Variants in EGFR observed in about 807,000 individuals in gnomAD.
The protein encoded by EGFR is avian erythroblastic leukemia viral (v-erb-b) oncogene homolog.
A neutral mutation model predicts 143.0 loss-of-function variants in EGFR; 58 were observed. That is an observed-to-expected ratio of 0.41 (90% confidence interval 0.33 to 0.50). The LOEUF (loss-of-function observed/expected upper bound fraction) is 0.50. Among genes scored for constraint, EGFR ranks in the 20% least tolerant of loss-of-function variants. EGFR has a pLI of 0.39. For synonymous variants in EGFR, 613 were observed against 594.4 expected (o/e 1.03, Z -0.45); for missense variants, 1,307 against 1,579.0 (o/e 0.83, Z 2.92).
intron 1 of EGFR, among the ~76,000 whole-genome samples, chr7:55,132,878 G>C (rs1469530454): frequency 1.3e-5 from 2 of 152,164 alleles, no homozygotes; most frequent in African/African-American, 2.4e-5. Flanking sequence ...AGCAACTTTG[G>C]TGCCTGGTGT....
intron 1 of EGFR, among the ~76,000 whole-genome samples, chr7:55,055,767 A>G (rs1381959457): frequency 6.6e-6 from 1 of 151,242 alleles, no homozygotes; most frequent in Admixed American, 6.6e-5. Context: ...GATGCCATCT[A>G]CCCTGGACTT....
In EGFR at chr7:55,210,209, A is replaced by G. The variant is rs1336917445; in HGVS notation, c.*4592A>G. 1.3e-5 allele frequency: 2 copies of G among 152,202 alleles called. No homozygotes were observed. The highest frequency in any genetic ancestry group is 2.9e-5 in the Non-Finnish European group (2 of 68,032). 9.4% of individuals were successfully genotyped at this position (152,202 alleles called of 1,614,324 possible). On this transcript the variant is annotated 3_prime_UTR_variant, in exon 28 of 28. Coordinates refer to ENST00000275493, the MANE Select transcript of EGFR (RefSeq NM_005228.5). ...ATAACATAGCACTTTGTTGGTTTAT[A>G]TATATAATGTGACTTCAATGCAAAT...
rs1055315772 is a variant in EGFR at position 55,205,309 on chromosome 7, G to C, written c.3325G>C (p.Val1109Leu). The C allele has an allele frequency of 1.2e-6, 2 of 1,612,352 alleles. No homozygotes were observed. The highest frequency in any genetic ancestry group is 1.7e-6 in the Non-Finnish European group (2 of 1,179,196). ...KRPAGSVQNP[V>L]YHNQPLNPAP... ...GCCCGCTGGCTCTGTGCAGAATCCT[G>C]TCTATCACAATCAGCCTCTGAACCC... The change falls in exon 28 of 28, where the codon GTC (valine) becomes CTC (leucine). Residue 1109 changes from valine to leucine, a missense_variant. Val to Leu is a conservative substitution (Grantham distance 32). This residue lies in a region of EGFR where 313 missense variants were observed against 312.3 expected (regional missense o/e 1.00). Coordinates refer to ENST00000275493, the MANE Select transcript of EGFR (RefSeq NM_005228.5).
At chr7:55,146,563 A>C (rs772711037) in intron 3 of EGFR, 43 bp from the exon 4 acceptor site, 6 of 1,613,126 alleles carry the variant, frequency 3.7e-6, no homozygotes, top group Admixed American at 1.7e-5. Flanking sequence ...GGGAATTTAA[A>C]GGAGCTGGAA....
rs1250031807 is a variant in EGFR, at chr7:55,202,849, A to G, written c.3271+224A>G. 5.3e-5 allele frequency: 36 copies of G among 677,312 alleles called. No homozygotes were observed. In the East Asian group the frequency reaches 9.7e-4, roughly 18 times the overall value. The allele number at this position is 677,312 out of a possible 1,614,324, so 42.0% of individuals were successfully genotyped here. On this transcript the variant is annotated intron_variant, in intron 27 of 27. Coordinates refer to ENST00000275493, the MANE Select transcript of EGFR (RefSeq NM_005228.5). ...GGTTGTTTGCTGTACCTCTGTTGTA[A>G]GAATGAATCTGCAAAATTTCTAGCT...
intron 1 of EGFR, among the ~76,000 whole-genome samples, chr7:55,091,155 T>C (rs1054136093): frequency 1.3e-5 from 2 of 152,332 alleles, no homozygotes; most frequent in African/African-American, 2.4e-5. Context: ...TTTCTAGTTT[T>C]GTTTTGTATT....
At chr7:55,055,255 C>T (rs774610602) in intron 1 of EGFR, among the ~76,000 whole-genome samples, 52 of 152,312 alleles carry the variant, frequency 3.4e-4, no homozygotes, top group Non-Finnish European at 6.6e-4. Context: ...TGAGAATCAC[C>T]TGGGACCCTT....
At chr7:55,167,554 TTGATGGTGG>T (rs1289720793) in intron 15 of EGFR, among the ~76,000 whole-genome samples, 1 of 102,118 alleles carries the variant, frequency 9.8e-6, no homozygotes, top group South Asian at 3.8e-4. Context: ...GGTGGTGGTG[TTGATGGTGG>T]TGATGGTGGT....
chr7:55,069,371 C>T (rs1002501550), intron 1 of EGFR, among the ~76,000 whole-genome samples: 5 of 152,134 alleles, frequency 3.3e-5, no homozygotes, highest in African/African-American at 1.2e-4. Flanking sequence ...GGGATATGTG[C>T]AGCAAGTATC....
intron 11 of EGFR, among the ~76,000 whole-genome samples, chr7:55,159,543 C>G (rs142709065): frequency 1.3e-5 from 2 of 152,194 alleles, no homozygotes; most frequent in South Asian, 4.1e-4. Context: ...CCCCACTTCC[C>G]AGGCATCCCT....
At chr7:55,113,021 C>G (rs1472734528) in intron 1 of EGFR, among the ~76,000 whole-genome samples, 1 of 152,194 alleles carries the variant, frequency 6.6e-6, no homozygotes, top group Non-Finnish European at 1.5e-5. Context: ...TCCCTCCACA[C>G]AAGGACACTT....
At chr7:55,069,415 A>G (rs1789697992) in intron 1 of EGFR, among the ~76,000 whole-genome samples, 1 of 152,186 alleles carries the variant, frequency 6.6e-6, no homozygotes, top group African/African-American at 2.4e-5. Flanking sequence ...TCAGACAGAA[A>G]GACAGTGGGC....
At chr7:55,095,514 A>T (rs1457651628) in intron 1 of EGFR, among the ~76,000 whole-genome samples, 1 of 152,248 alleles carries the variant, frequency 6.6e-6, no homozygotes, top group African/African-American at 2.4e-5. Flanking sequence ...TGCCCAGGGC[A>T]GCTTGGGAGT....
chr7:55,161,667 C>A, intron 13 of EGFR, 36 bp downstream of exon 13: 2 of 1,614,046 alleles, frequency 1.2e-6, no homozygotes, highest in South Asian at 1.1e-5. Context: ...TTGCGTTGAT[C>A]AAAAATAAGG....
chr7:55,157,665 T>C lies in EGFR; in HGVS notation c.1210T>C (p.Phe404Leu). The C allele has an allele frequency of 6.2e-7, 1 of 1,613,792 alleles. No individual in the cohort carries two copies. Among genetic ancestry groups the C allele is most frequent in the Non-Finnish European group, 8.5e-7 (1 of 1,179,882 alleles). ...ILKTVKEITG[F>L]LLIQAWPENR... ...GAAGTCTTTCATCTGCCTTACAGGG[T>C]TTTTGCTGATTCAGGCTTGGCCTGA... The change falls in exon 11 of 28, where the codon TTT (phenylalanine) becomes CTT (leucine). Residue 404 changes from phenylalanine (F) to leucine (L), a missense_variant and splice_region_variant. Phe to Leu is a conservative substitution (Grantham distance 22). Transcript: ENST00000275493.
chr7:55,143,874 A>G (rs576654949), intron 3 of EGFR, among the ~76,000 whole-genome samples: 9 of 152,330 alleles, frequency 5.9e-5, no homozygotes, highest in Non-Finnish European at 1.3e-4. Context: ...ACATACAGTA[A>G]AAATCAACCC....
chr7:55,122,069 G>A (rs1310579160), intron 1 of EGFR, among the ~76,000 whole-genome samples: 2 of 152,132 alleles, frequency 1.3e-5, no homozygotes, highest in East Asian at 3.9e-4. Context: ...GATAATCTTT[G>A]TGCAACAAGT....
In EGFR at chr7:55,170,868, G is replaced by C. The variant is rs1250076307; in HGVS notation, c.1881-307G>C. On this transcript the variant is annotated intron_variant, in intron 15 of 27. Transcript: ENST00000275493. ...TCTGTTTGAAATTCTAGAGCCAGCT[G>C]TGGGACAATTATCTGTGTCAAAAGC... is the stretch of plus-strand genomic sequence containing the variant. The C allele has an allele frequency of 2.8e-6, 4 of 1,411,732 alleles. No homozygotes were observed. The East Asian group carries it at 1.1e-4, about 37-fold the overall frequency. 87.5% of individuals were successfully genotyped at this position (1,411,732 alleles called of 1,614,324 possible).
chr7:55,152,249 C>T, intron 5 of EGFR: 1 of 555,682 alleles, frequency 1.8e-6, no homozygotes, highest in South Asian at 1.5e-5. Flanking sequence ...TACTTCCCAG[C>T]AGGTATTTTT....
Sources: gnomAD v4.1 joint callset for allele counts (sites outside exome capture counted in the v4.1 genomes callset) on GRCh38, gnomAD v4.1.1 for gene constraint, gnomAD v4.1.1 regional missense constraint, MANE v1.5 for transcripts, NCBI Gene and HGNC (gene_info 2026-07-23, HGNC 2026-07-21) for gene names.